The following RASAL2 variants were observed in gnomAD, a reference collection of about 807,000 sequenced individuals.
RASAL2 encodes RAS protein activator like 2.
A neutral mutation model predicts 128.9 loss-of-function variants in RASAL2; 58 were observed. The ratio of observed to expected loss-of-function variants is 0.45; its 90% CI spans 0.36 to 0.56. RASAL2 has a LOEUF of 0.56. Among genes scored for constraint, RASAL2 ranks in the 20% least tolerant of loss-of-function variants. The pLI, the probability that RASAL2 is intolerant of heterozygous loss-of-function variation, is 0.00. For synonymous variants in RASAL2, 561 were observed against 580.8 expected, an observed-to-expected ratio of 0.97 and a Z score of 0.49; for missense variants, 1,360 against 1,601.6, an observed-to-expected ratio of 0.85 and a Z score of 2.57.
chr1:178,466,650 T>A (rs1388451176), intron 16 of RASAL2, among the ~76,000 whole-genome samples: 1 of 152,206 alleles, frequency 6.6e-6, no homozygotes, highest in Non-Finnish European at 1.5e-5. Flanking sequence ...TACGCATTAT[T>A]ATTCTCATTT....
At chr1:178,267,533 AT>A (rs1180658831) in intron 1 of RASAL2, among the ~76,000 whole-genome samples, 1 of 89,368 alleles carries the variant, frequency 1.1e-5, no homozygotes, top group Non-Finnish European at 2.4e-5. Context: ...TAGTTTTCTT[AT>A]TACTTATTCT....
At chr1:178,454,196 TAAAAAAAAAA>T (rs56786408) in intron 11 of RASAL2, among the ~76,000 whole-genome samples, 1 of 80,234 alleles carries the variant, frequency 1.2e-5, no homozygotes, top group Non-Finnish European at 3.1e-5. Flanking sequence ...ATCCCAGAAC[TAAAAAAAAAA>T]AAAAAAAAAG....
At chr1:178,395,478 C>G (rs1056007271) in intron 4 of RASAL2, among the ~76,000 whole-genome samples, 6 of 152,126 alleles carry the variant, frequency 3.9e-5, no homozygotes, top group African/African-American at 1.2e-4. Flanking sequence ...TTGCCACAAT[C>G]AGTTCAGATG....
At chr1:178,245,045 A>C (rs1664707654) in intron 1 of RASAL2, among the ~76,000 whole-genome samples, 1 of 152,188 alleles carries the variant, frequency 6.6e-6, no homozygotes, top group African/African-American at 2.4e-5. Flanking sequence ...ATATATGTGC[A>C]TATGTCTTTA....
At chr1:178,310,283 T>A (rs1395967850) in intron 3 of RASAL2, among the ~76,000 whole-genome samples, 2 of 152,178 alleles carry the variant, frequency 1.3e-5, no homozygotes, top group East Asian at 3.8e-4. Flanking sequence ...AGTAGAACAT[T>A]AAAGTTTTCA....
At chr1:178,429,666 C>T (rs544641600) in intron 5 of RASAL2, among the ~76,000 whole-genome samples, 12 of 152,222 alleles carry the variant, frequency 7.9e-5, no homozygotes, top group African/African-American at 2.9e-4. Context: ...TTAGCTACCG[C>T]ACAAAAGGCA....
chr1:178,459,887 G>A (rs1201824552), intron 14 of RASAL2, among the ~76,000 whole-genome samples: 1 of 151,964 alleles, frequency 6.6e-6, no homozygotes, highest in Non-Finnish European at 1.5e-5. Context: ...TTGAAGAAAA[G>A]GAAAAATAGA....
chr1:178,243,308 G>GCC (rs1355575864), intron 1 of RASAL2, among the ~76,000 whole-genome samples: 2 of 152,146 alleles, frequency 1.3e-5, no homozygotes, highest in Non-Finnish European at 2.9e-5. Context: ...CCCAGGATAG[G>GCC]CCATCTGGTG....
At chr1:178,390,355 G>A in intron 4 of RASAL2, 149 bp downstream of exon 4, 1 of 546,780 alleles carries the variant, frequency 1.8e-6, no homozygotes, top group Non-Finnish European at 3.2e-6. Context: ...TCATCAACTT[G>A]TGTAAATTAA....
intron 3 of RASAL2, among the ~76,000 whole-genome samples, chr1:178,310,585 T>A (rs998867936): frequency 6.6e-6 from 1 of 152,328 alleles, no homozygotes; most frequent in African/African-American, 2.4e-5. Flanking sequence ...AGTAACATTT[T>A]TTTTCGATTG....
chr1:178,231,065 G>C (rs749657885), intron 1 of RASAL2, among the ~76,000 whole-genome samples: 6 of 152,046 alleles, frequency 3.9e-5, no homozygotes, highest in Non-Finnish European at 8.8e-5. Context: ...CAGTTCCTGA[G>C]ATCTTATCGG....
chr1:178,130,909 C>T (rs1390149673), intron 1 of RASAL2, among the ~76,000 whole-genome samples: 2 of 151,876 alleles, frequency 1.3e-5, no homozygotes, highest in Admixed American at 1.3e-4. Flanking sequence ...AAAAAATTAG[C>T]CGGGCGCGGT....
intron 3 of RASAL2, among the ~76,000 whole-genome samples, chr1:178,306,362 A>G (rs1466106467): frequency 2.0e-5 from 3 of 152,156 alleles, no homozygotes; most frequent in African/African-American, 7.2e-5. Context: ...AAACATATGT[A>G]TGCATGTGTC....
At chr1:178,404,585 T>C (rs1348475136) in intron 4 of RASAL2, among the ~76,000 whole-genome samples, 2 of 152,000 alleles carry the variant, frequency 1.3e-5, no homozygotes, top group Non-Finnish European at 2.9e-5. Context: ...TTCACCATGT[T>C]GGCCAGGCTG....
In RASAL2 at chr1:178,458,288, C is replaced by A. The variant is rs760522355; in HGVS notation, c.2996C>A (p.Ala999Asp). 4 of 1,614,264 alleles carry A rather than the reference C, an allele frequency of 2.5e-6. No individual in the cohort carries two copies. The highest frequency in any genetic ancestry group is 3.4e-6 in the Non-Finnish European group (4 of 1,180,050). Reference sequence around the variant, plus strand: ...GTGCCAGATAGACACATACCTCTTGCTTTGCCACGACAAAATAGTACTGGG... The same window carrying A: ...GTGCCAGATAGACACATACCTCTTGATTTGCCACGACAAAATAGTACTGGG... Reference protein sequence around the residue: ...HTVPDRHIPLALPRQNSTGQA... With the variant: ...HTVPDRHIPLDLPRQNSTGQA... Residue 999 changes from alanine to aspartate, a missense_variant, in exon 14 of 18, where the codon GCT becomes GAT. Ala to Asp is a moderately radical substitution (Grantham distance 126, BLOSUM62 -2). Transcript: ENST00000367649.
Position 178,323,231 on chromosome 1 carries a change from A to G in RASAL2, c.457+23113A>G, listed in dbSNP as rs575762936. ...CTAGATTGGAACCTCTTAGATGGCA[A>G]GATTGTATCTTACTCACCTTGGTAT... On this transcript the variant is annotated intron_variant, in intron 3 of 17. Transcript: ENST00000367649. 5.9e-5 allele frequency among the ~76,000 whole-genome samples: 9 copies of G among 152,270 alleles called. No individual in the cohort carries two copies. The East Asian group carries it at 9.7e-4, about 16-fold the overall frequency.
At chr1:178,103,421 C>T (rs988939876) in intron 1 of RASAL2, among the ~76,000 whole-genome samples, 6 of 151,978 alleles carry the variant, frequency 3.9e-5, no homozygotes, top group Non-Finnish European at 7.4e-5. Flanking sequence ...GTCAAAGGTA[C>T]GTGTATTTGT....
At chr1:178,271,094 G>A (rs1666229477) in intron 1 of RASAL2, among the ~76,000 whole-genome samples, 2 of 152,096 alleles carry the variant, frequency 1.3e-5, no homozygotes, top group Admixed American at 1.3e-4. Context: ...TATATAATGG[G>A]CGAGAGGATC....
chr1:178,349,519 A>T (rs574057806), intron 3 of RASAL2, among the ~76,000 whole-genome samples: 11 of 152,212 alleles, frequency 7.2e-5, no homozygotes, highest in African/African-American at 2.6e-4. Context: ...CATTTGGGAA[A>T]CTAGGCTTGT....
Sources: gnomAD v4.1 joint callset for allele counts (sites outside exome capture counted in the v4.1 genomes callset) on GRCh38, gnomAD v4.1.1 for gene constraint, MANE v1.5 for transcripts, NCBI Gene and HGNC (gene_info 2026-07-23, HGNC 2026-07-21) for gene names.